The following ZNF704 variants were observed in gnomAD, a reference collection of about 807,000 sequenced individuals.
ZNF704 encodes the protein glucocorticoid induced gene 1.
Under a neutral mutation model 44.7 loss-of-function variants are expected in ZNF704, and 10 were observed. The ratio of observed to expected loss-of-function variants is 0.22; its 90% CI spans 0.14 to 0.38. ZNF704 has a LOEUF of 0.38. Among genes scored for constraint, ZNF704 ranks in the 10% least tolerant of loss-of-function variants. The pLI, the probability that ZNF704 is intolerant of heterozygous loss-of-function variation, is 1.00. For missense variants in ZNF704, 390 were observed against 545.5 expected (o/e 0.71, Z 2.84); for synonymous variants, 211 against 207.6 (o/e 1.02, Z -0.14).
At position 80,729,599 on chromosome 8, in the gene ZNF704, C is replaced by A. The variant is rs534892180; in HGVS notation, c.222-36492G>T. On this transcript the variant is annotated intron_variant, in intron 2 of 8. Transcript: ENST00000327835. ...AATTAAGTGGGAGTCAATCATTTTT[C>A]TGTGAAAATTTTTTGAAGTTTTTTC... Among the ~76,000 whole-genome samples the A allele has an allele frequency of 3.3e-5, 5 of 152,282 alleles. No individual in the cohort carries two copies. The South Asian group carries it at 1.0e-3, about 32-fold the overall frequency.
intron 2 of ZNF704, among the ~76,000 whole-genome samples, chr8:80,761,548 A>G (rs7018039): frequency 0.23 from 35,136 of 152,146 alleles, 5,881 homozygotes; most frequent in African/African-American, 0.47. Flanking sequence ...CTGAGAGATC[A>G]AAATCTTGAA....
At chr8:80,862,905 T>G (rs757276670) in intron 1 of ZNF704, among the ~76,000 whole-genome samples, 7 of 151,916 alleles carry the variant, frequency 4.6e-5, no homozygotes, top group South Asian at 4.2e-4. Context: ...ATAGAGACCT[T>G]GCTGTCTTTC....
chr8:80,855,790 A>C (rs1274092031), intron 1 of ZNF704, among the ~76,000 whole-genome samples: 1 of 152,226 alleles, frequency 6.6e-6, no homozygotes. Context: ...AAAATAAAAA[A>C]TAAAATAATG....
Position 80,805,779 on chromosome 8 carries a change from T to C in ZNF704, c.221+15595A>G, listed in dbSNP as rs75103698. Among the ~76,000 whole-genome samples, 472 of 152,292 alleles carry C rather than the reference T, an allele frequency of 3.1e-3. 2 individuals carry two copies. The highest frequency in any genetic ancestry group is 0.011 in the African/African-American group (458 of 41,566). On this transcript the variant is annotated intron_variant, in intron 2 of 8. Transcript: ENST00000327835. ...CCTGTTATTTCCTAGCATGGTCAGA[T>C]TTACATGAAAATATGCCTGACTTTG...
chr8:80,765,183 A>C (rs1037479515), intron 2 of ZNF704, among the ~76,000 whole-genome samples: 1 of 152,150 alleles, frequency 6.6e-6, no homozygotes, highest in Non-Finnish European at 1.5e-5. Context: ...TGGTGAGCCT[A>C]ATGTTCTGGC....
In ZNF704 at chr8:80,773,240, A is replaced by G. The variant is rs560140419; in HGVS notation, c.221+48134T>C. Among the ~76,000 whole-genome samples, 3 of 152,130 alleles carry G rather than the reference A, an allele frequency of 2.0e-5. No homozygotes were observed. In the South Asian group the frequency reaches 6.2e-4, roughly 32 times the overall value. On this transcript the variant is annotated intron_variant, in intron 2 of 8. Coordinates refer to ENST00000327835, the MANE Select transcript of ZNF704 (RefSeq NM_001033723.3). Reference sequence around the variant, plus strand: ...CCTTCCTGTGGATTAAACACTTTTGAGACTCTTACTTTTATTTATGTACAG... The same window carrying G: ...CCTTCCTGTGGATTAAACACTTTTGGGACTCTTACTTTTATTTATGTACAG...
rs1818165749 is a variant in ZNF704, at chr8:80,664,943, T to A, written c.799A>T (p.Thr267Ser). Residue 267 changes from threonine (T) to serine (S), a missense_variant, in exon 6 of 9, where the codon ACT becomes TCT. By Grantham distance (58) the Thr-to-Ser change is moderately conservative. Coordinates refer to ENST00000327835, the MANE Select transcript of ZNF704 (RefSeq NM_001033723.3). ...SPSQSLASPP[T>S]FPIPDSSRTE... ...CGGCTTGAATCTGGGATGGGGAAAGTAGGAGGTGAAGCCAGGGACTGGGAA... is the reference window on the plus strand; with the variant it reads ...CGGCTTGAATCTGGGATGGGGAAAGAAGGAGGTGAAGCCAGGGACTGGGAA... The A allele has an allele frequency of 1.2e-6, 2 of 1,613,918 alleles. No homozygotes were observed. Among genetic ancestry groups the A allele is most frequent in the African/African-American group, 2.7e-5 (2 of 74,866 alleles).
chr8:80,834,031 T>C (rs923702565), intron 1 of ZNF704, among the ~76,000 whole-genome samples: 4 of 152,122 alleles, frequency 2.6e-5, no homozygotes, highest in African/African-American at 4.8e-5. Flanking sequence ...ATGATTCTAA[T>C]GTCAGAAATC....
intron 4 of ZNF704, among the ~76,000 whole-genome samples, chr8:80,671,020 T>C (rs540605473): frequency 4.6e-5 from 7 of 152,342 alleles, no homozygotes; most frequent in African/African-American, 1.7e-4. Flanking sequence ...GTCCAGTCAA[T>C]GAACCAGCTA....
chr8:80,758,010 T>A (rs889277688), intron 2 of ZNF704, among the ~76,000 whole-genome samples: 5 of 152,220 alleles, frequency 3.3e-5, no homozygotes, highest in Middle Eastern at 3.2e-3. Context: ...GCTTTCTTTC[T>A]TATACCTATG....
chr8:80,780,540 ATATAAT>A (rs1398986258), intron 2 of ZNF704, among the ~76,000 whole-genome samples: 2 of 152,152 alleles, frequency 1.3e-5, no homozygotes, highest in African/African-American at 4.8e-5. Flanking sequence ...AGCTTTGCTG[ATATAAT>A]TATATTAAGG....
intron 7 of ZNF704, among the ~76,000 whole-genome samples, chr8:80,655,123 T>C (rs1343459988): frequency 2.0e-5 from 3 of 150,118 alleles, no homozygotes; most frequent in South Asian, 2.1e-4. Context: ...TTCTCACTCA[T>C]AGATGGGAAT....
chr8:80,751,179 A>G (rs1806936527), intron 2 of ZNF704, among the ~76,000 whole-genome samples: 1 of 152,180 alleles, frequency 6.6e-6, no homozygotes, highest in Non-Finnish European at 1.5e-5. Context: ...GTCAGCTTGA[A>G]ATCACATAAA....
chr8:80,727,778 C>T (rs1379049879), intron 2 of ZNF704, among the ~76,000 whole-genome samples: 1 of 152,138 alleles, frequency 6.6e-6, no homozygotes, highest in Non-Finnish European at 1.5e-5. Flanking sequence ...AGAGCTCTTG[C>T]TTTTCCTGAG....
chr8:80,690,391 C>A (rs1178050772), intron 3 of ZNF704, among the ~76,000 whole-genome samples: 1 of 151,926 alleles, frequency 6.6e-6, no homozygotes, highest in African/African-American at 2.4e-5. Flanking sequence ...TTCTACAATT[C>A]CTTTTCCCTA....
chr8:80,634,433 C>T lies in ZNF704; in HGVS notation c.*6933G>A, dbSNP rs1817635642. 1 of 152,256 alleles carries T rather than the reference C, an allele frequency of 6.6e-6. No homozygotes were observed. Among genetic ancestry groups the T allele is most frequent in the African/African-American group, 2.4e-5 (1 of 41,462 alleles). 9.4% of individuals were successfully genotyped at this position (152,256 alleles called of 1,614,324 possible). ...TGTGGGGCTGATGGATGAACCTGAC[C>T]TGACAACTGTGGAATGTGAAATCCA... is the stretch of plus-strand genomic sequence containing the variant. On this transcript the variant is annotated 3_prime_UTR_variant, in exon 9 of 9. Coordinates refer to ENST00000327835, the MANE Select transcript of ZNF704 (RefSeq NM_001033723.3).
In ZNF704 at chr8:80,664,866, G is replaced by A. The variant is rs766740187; in HGVS notation, c.876C>T (p.Ser292=). The change falls in exon 6 of 9, where the codon AGC becomes AGT. Residue 292 remains serine (S), a synonymous_variant. Transcript: ENST00000327835. Reference sequence around the variant, plus strand: ...GGTAGAGGGTGGTGGGAGCTGAGCGGCTCAACGGCGTCATCAACTTAGTCT... The same window carrying A: ...GGTAGAGGGTGGTGGGAGCTGAGCGACTCAACGGCGTCATCAACTTAGTCT... ...KTETKLMTPL[S]RSAPTTLYLV... 1 of 1,614,192 alleles carries A rather than the reference G, an allele frequency of 6.2e-7. No homozygotes were observed. Among genetic ancestry groups the A allele is most frequent in the Admixed American group, 1.7e-5 (1 of 60,026 alleles).
chr8:80,741,093 T>C (rs763192116), intron 2 of ZNF704, among the ~76,000 whole-genome samples: 9 of 152,186 alleles, frequency 5.9e-5, no homozygotes, highest in Non-Finnish European at 8.8e-5. Context: ...CTTATCCTCA[T>C]CCCAAAACCC....
At chr8:80,731,451 G>GAAA (rs1244354366) in intron 2 of ZNF704, among the ~76,000 whole-genome samples, 1 of 151,908 alleles carries the variant, frequency 6.6e-6, no homozygotes, top group Non-Finnish European at 1.5e-5. Context: ...TGTATTTAAA[G>GAAA]AAAAAAATCA....
Sources: gnomAD v4.1 joint callset for allele counts (sites outside exome capture counted in the v4.1 genomes callset) on GRCh38, gnomAD v4.1.1 for gene constraint, MANE v1.5 for transcripts, NCBI Gene and HGNC (gene_info 2026-07-23, HGNC 2026-07-21) for gene names.